The following TIMP2 variants were observed in gnomAD, a reference collection of about 807,000 sequenced individuals.
TIMP2 encodes TIMP metallopeptidase inhibitor 2.
Under a neutral mutation model 24.3 loss-of-function variants are expected in TIMP2, and 5 were observed. That is an observed-to-expected ratio of 0.21 (90% CI 0.11 to 0.43). TIMP2 has a LOEUF of 0.43. TIMP2 is among the 20% of genes least tolerant of loss of function. The probability of loss-of-function intolerance (pLI) is 1.00; values close to 1 mark genes in which losing one functional copy is unlikely to be tolerated. For synonymous variants in TIMP2, 130 were observed against 123.2 expected, an observed-to-expected ratio of 1.06 and a Z score of -0.37; for missense variants, 221 against 297.5, an observed-to-expected ratio of 0.74 and a Z score of 1.89.
chr17:78,899,135 A>G (rs1271911617), intron 1 of TIMP2: 1 of 152,256 alleles, frequency 6.6e-6, no homozygotes, highest in Non-Finnish European at 1.5e-5. Context: ...TGATGCTGCC[A>G]TCTGGGGGAC....
At chr17:78,858,374 C>T (rs984997787) in intron 3 of TIMP2, among the ~76,000 whole-genome samples, 1 of 151,646 alleles carries the variant, frequency 6.6e-6, no homozygotes, top group Non-Finnish European at 1.5e-5. Flanking sequence ...ACCCGGGAGG[C>T]GGAGGTTGCA....
chr17:78,910,975 T>C (rs1005914160), intron 1 of TIMP2, among the ~76,000 whole-genome samples: 2 of 152,244 alleles, frequency 1.3e-5, no homozygotes, highest in Non-Finnish European at 2.9e-5. Context: ...TTTGGATAAA[T>C]GCCCAGTCGT....
chr17:78,890,756 T>C (rs1161419330), intron 1 of TIMP2: 1 of 1,550,550 alleles, frequency 6.4e-7, no homozygotes, highest in Non-Finnish European at 8.7e-7. Context: ...ACTGTGCCGG[T>C]CGTCGTCGGC....
At position 78,892,073 on chromosome 17, in the gene TIMP2, C is replaced by A. The variant is rs549285911; in HGVS notation, c.131-18154G>T. The A allele has an allele frequency of 7.7e-6, 12 of 1,551,702 alleles. No homozygotes were observed. The South Asian group carries it at 1.4e-4, about 18-fold the overall frequency. On this transcript the variant is annotated intron_variant, in intron 1 of 4. Transcript: ENST00000262768. ...CGAGTCAGGCTCATTTTCCCTGGCC[C>A]GTCCTCCTCCCCAGCCCAACAGACG...
rs568100167 is a variant in TIMP2 at position 78,857,717 on chromosome 17, G to A, written c.341-71C>T. 24 of 1,591,952 alleles carry A rather than the reference G, an allele frequency of 1.5e-5. 1 individual carries two copies. The South Asian group carries it at 1.8e-4, about 12-fold the overall frequency. Reference sequence around the variant, plus strand: ...CTCCTCCTGCCCAGCTCCTCCACCCGGCGCAGGGGCGCTGGGATTTCGTTG... The same window carrying A: ...CTCCTCCTGCCCAGCTCCTCCACCCAGCGCAGGGGCGCTGGGATTTCGTTG... On this transcript the variant is annotated intron_variant, in intron 3 of 4. Coordinates refer to ENST00000262768, the MANE Select transcript of TIMP2 (RefSeq NM_003255.5).
intron 1 of TIMP2, among the ~76,000 whole-genome samples, chr17:78,884,051 G>A (rs1005633098): frequency 2.4e-4 from 36 of 152,328 alleles, no homozygotes; most frequent in Admixed American, 1.9e-3. Flanking sequence ...CATTTTCTCC[G>A]TCAAGACCCA....
intron 1 of TIMP2, among the ~76,000 whole-genome samples, chr17:78,878,519 C>T (rs1270540100): frequency 1.3e-5 from 2 of 152,208 alleles, no homozygotes; most frequent in African/African-American, 4.8e-5. Context: ...TACACAGACC[C>T]GGTCCTGGTC....
At chr17:78,866,757 A>C (rs74525705) in intron 3 of TIMP2, among the ~76,000 whole-genome samples, 3,401 of 152,258 alleles carry the variant, frequency 0.022, 116 homozygotes, top group African/African-American at 0.07. Flanking sequence ...TGACCCTTGG[A>C]AACACGAAAG....
At chr17:78,870,629 C>G (rs2277700) in intron 3 of TIMP2, among the ~76,000 whole-genome samples, 5 of 151,948 alleles carry the variant, frequency 3.3e-5, no homozygotes, top group Non-Finnish European at 7.4e-5. Context: ...TCCAGCATCC[C>G]GCACTCGCCT....
chr17:78,878,152 T>C (rs2069745018), intron 1 of TIMP2, among the ~76,000 whole-genome samples: 5 of 152,200 alleles, frequency 3.3e-5, no homozygotes. Context: ...GCATTGAGGT[T>C]CACATGCTGT....
rs1039567471 is a variant in TIMP2, at chr17:78,870,808, C to G, written c.340+90G>C. The G allele has an allele frequency of 9.8e-5, 111 of 1,128,734 alleles. No homozygotes were observed. The African/African-American group carries it at 1.4e-3, about 14-fold the overall frequency. The allele number at this position is 1,128,734 out of a possible 1,614,324, so 69.9% of individuals were successfully genotyped here. On this transcript the variant is annotated intron_variant, in intron 3 of 4. Coordinates refer to ENST00000262768, the MANE Select transcript of TIMP2 (RefSeq NM_003255.5). ...TCCTCAGCTACTCCGCCTCCCCACC[C>G]CCCGAGCCTGGGAAACGAGCCCTGG...
At chr17:78,886,614 C>T (rs1362675458) in intron 1 of TIMP2, among the ~76,000 whole-genome samples, 2 of 152,146 alleles carry the variant, frequency 1.3e-5, no homozygotes, top group Non-Finnish European at 2.9e-5. Context: ...CCCCCAGTTT[C>T]CTTCTTAATC....
At chr17:78,868,821 AG>A (rs1215338239) in intron 3 of TIMP2, among the ~76,000 whole-genome samples, 3 of 152,192 alleles carry the variant, frequency 2.0e-5, no homozygotes, top group African/African-American at 7.2e-5. Context: ...CCATCACTGC[AG>A]AAAGCTCTTT....
At chr17:78,900,110 T>C (rs971499858) in intron 1 of TIMP2, 2 of 152,192 alleles carry the variant, frequency 1.3e-5, no homozygotes, top group African/African-American at 4.8e-5. Context: ...GCTTTTAAAA[T>C]GTAAAGAACA....
intron 1 of TIMP2, 97 bp from the exon 2 acceptor site, chr17:78,874,016 G>A (rs950346838): frequency 1.8e-5 from 20 of 1,122,964 alleles, no homozygotes; most frequent in South Asian, 1.6e-4. Flanking sequence ...GGAGGTGCTG[G>A]GGGGTTACAG....
chr17:78,890,947 C>T (rs1003856499), intron 1 of TIMP2: 23 of 1,551,002 alleles, frequency 1.5e-5, no homozygotes, highest in Admixed American at 3.9e-5. Context: ...TTTGTTCAAG[C>T]GATTCCAGTT....
At chr17:78,870,872 C>T (rs371761761) in intron 3 of TIMP2, 26 bp downstream of exon 3, 50 of 1,595,148 alleles carry the variant, frequency 3.1e-5, no homozygotes, top group African/African-American at 2.5e-4. Flanking sequence ...TGCCAGCCTC[C>T]GGCTGATGGC....
At chr17:78,861,605 CTTT>C (rs953067288) in intron 3 of TIMP2, among the ~76,000 whole-genome samples, 1 of 142,064 alleles carries the variant, frequency 7.0e-6, no homozygotes. Context: ...TGTATTTTTT[CTTT>C]TTTTTTTTTT....
At chr17:78,917,028 G>T (rs1289698398) in intron 1 of TIMP2, among the ~76,000 whole-genome samples, 2 of 152,116 alleles carry the variant, frequency 1.3e-5, no homozygotes, top group Non-Finnish European at 2.9e-5. Flanking sequence ...CTTGAAGATG[G>T]GCACCATGGC....
Sources: allele counts gnomAD v4.1 joint callset (sites outside exome capture counted in the v4.1 genomes callset), GRCh38; gene constraint gnomAD v4.1.1; transcripts MANE v1.5; gene names NCBI Gene and HGNC (gene_info 2026-07-23, HGNC 2026-07-21).